Variants in EML6 observed in about 807,000 individuals in gnomAD.
The protein encoded by EML6 is EMAP like 6, also known as echinoderm microtubule-associated protein-like 6.
In EML6, 154 loss-of-function variants were observed where a neutral mutation model predicts 240.1. The observed-to-expected ratio is 0.64, with a 90% CI of 0.56 to 0.73. The LOEUF is 0.73. Ranked by LOEUF, EML6 falls within the 30% of genes least tolerant of loss-of-function variation. EML6 has a pLI of 0.00. For missense variants in EML6, 2,964 were observed against 2,474.6 expected (o/e 1.20, Z -4.20); for synonymous variants, 1,148 against 899.0 (o/e 1.28, Z -4.95).
chr2:54,847,710 T>G, intron 9 of EML6, 87 bp downstream of exon 9: 2 of 1,417,054 alleles, frequency 1.4e-6, no homozygotes, highest in Non-Finnish European at 1.9e-6. Context: ...GCTAGGACCT[T>G]AGGAAAAATC....
intron 24 of EML6, 128 bp downstream of exon 24, chr2:54,903,630 C>T (rs776320093): frequency 3.0e-5 from 23 of 771,362 alleles, no homozygotes; most frequent in South Asian, 6.8e-5. Context: ...ACAATATAAA[C>T]GACTGTAATT....
In EML6 at chr2:54,971,940, C is replaced by CAAA. The variant is rs1677042920; in HGVS notation, c.*1846_*1847insAAA. ...ACTGTATGATATATGTGAGTTAAAA[C>CAAA]ATTGGTGCATGAATTTATTTTCAAA... On this transcript the variant is annotated 3_prime_UTR_variant, in exon 42 of 42. Transcript: ENST00000356458. 1 of 152,154 alleles carries CAAA rather than the reference C, an allele frequency of 6.6e-6. No homozygotes were observed. The highest frequency in any genetic ancestry group is 1.5e-5 in the Non-Finnish European group (1 of 68,028). The allele number at this position is 152,154 out of a possible 1,614,324, so 9.4% of individuals were successfully genotyped here. A position where few individuals can be genotyped will look rare whatever the true frequency, so the allele number is the denominator to read the frequency against.
intron 17 of EML6, chr2:54,879,852 G>A (rs1403366569): frequency 1.6e-5 from 9 of 556,728 alleles, no homozygotes; most frequent in African/African-American, 5.7e-5. Context: ...AGAAAATTCC[G>A]AAATCCTCTG....
Position 54,841,738 on chromosome 2 carries a change from G to T in EML6, c.848-2309G>T, listed in dbSNP as rs72808625. ...CACCCGGGTAGCTGGGAATACAGGTGCGTGCTACCATGTCCAGCTAATTTT... is the reference window on the plus strand; with the variant it reads ...CACCCGGGTAGCTGGGAATACAGGTTCGTGCTACCATGTCCAGCTAATTTT... On this transcript the variant is annotated intron_variant, in intron 7 of 41. Coordinates refer to ENST00000356458, the MANE Select transcript of EML6 (RefSeq NM_001039753.4). Among the ~76,000 whole-genome samples the T allele has an allele frequency of 7.4e-3, 1,127 of 152,000 alleles. 5 individuals are homozygous for T. The highest frequency in any genetic ancestry group is 0.013 in the Non-Finnish European group (890 of 67,940).
At chr2:54,851,060 A>T (rs993541) in intron 10 of EML6, among the ~76,000 whole-genome samples, 69,527 of 151,718 alleles carry the variant, frequency 0.46, 16,170 homozygotes, top group Middle Eastern at 0.53. Context: ...CATGGGAATG[A>T]TACCTCATTC....
At chr2:54,871,676 C>A (rs369778993) in intron 16 of EML6, 71 bp downstream of exon 16, 2 of 1,077,090 alleles carry the variant, frequency 1.9e-6, no homozygotes, top group Non-Finnish European at 2.8e-6. Context: ...GTATGCCCCG[C>A]GCATGCGCGC....
chr2:54,951,754 T>C (rs1675992595), intron 30 of EML6, among the ~76,000 whole-genome samples: 1 of 152,096 alleles, frequency 6.6e-6, no homozygotes, highest in African/African-American at 2.4e-5. Context: ...GTCAATTCTG[T>C]GTAGTTGTTC....
In EML6 at chr2:54,725,132, G is replaced by C; in HGVS notation, c.71G>C (p.Cys24Ser). The C allele has an allele frequency of 6.5e-7, 1 of 1,540,986 alleles. No homozygotes were observed. The highest frequency in any genetic ancestry group is 8.8e-7 in the Non-Finnish European group (1 of 1,142,094). The change falls in exon 2 of 42, where the codon TGC (cysteine) becomes TCC (serine). Residue 24 changes from cysteine to serine, a missense_variant. By Grantham distance (112) the Cys-to-Ser change is moderately radical. Transcript: ENST00000356458. The surrounding 1 kb of genome is among the most constrained non-coding windows in gnomAD (Gnocchi z 4.3). Reference sequence around the variant, plus strand: ...GTGTACGGGTACCGGGGTCACCAGTGCCGCAACAACCTGTACTACACGGCA... The same window carrying C: ...GTGTACGGGTACCGGGGTCACCAGTCCCGCAACAACCTGTACTACACGGCA... ...EWVYGYRGHQCRNNLYYTAGK... is the reference protein window; with the variant it reads ...EWVYGYRGHQSRNNLYYTAGK...
chr2:54,957,813 G>C lies in EML6; in HGVS notation c.4510G>C (p.Gly1504Arg). The C allele has an allele frequency of 6.5e-7, 1 of 1,550,000 alleles. No homozygotes were observed. Residue 1504 changes from glycine (G) to arginine (R), a missense_variant, in exon 33 of 42, where the codon GGT (glycine) becomes CGT (arginine). Gly to Arg is a moderately radical substitution (Grantham distance 125). Coordinates refer to ENST00000356458, the MANE Select transcript of EML6 (RefSeq NM_001039753.4). ...AGGTGCCAAGGTTGCCAGCCGAGGGGGTCACCTGGAGCGCATATTTGTGGT... is the reference window on the plus strand; with the variant it reads ...AGGTGCCAAGGTTGCCAGCCGAGGGCGTCACCTGGAGCGCATATTTGTGGT... ...QEGAKVASRG[G>R]HLERIFVVEF...
chr2:54,870,804 C>T (rs575912379), intron 15 of EML6, among the ~76,000 whole-genome samples: 132 of 152,308 alleles, frequency 8.7e-4, no homozygotes, highest in Middle Eastern at 6.8e-3. Flanking sequence ...ACTGGGCCTC[C>T]ACAGACCTCT....
At chr2:54,952,750 G>C (rs1391034265) in intron 31 of EML6, 58 bp downstream of exon 31, 1 of 1,182,272 alleles carries the variant, frequency 8.5e-7, no homozygotes, top group East Asian at 2.6e-5. Flanking sequence ...TGACCTGTCA[G>C]CAATTATTGG....
At chr2:54,793,089 G>A (rs1669547256) in intron 2 of EML6, among the ~76,000 whole-genome samples, 1 of 152,024 alleles carries the variant, frequency 6.6e-6, no homozygotes, top group Non-Finnish European at 1.5e-5. Context: ...TCAACATCGT[G>A]TAACTCCATC....
chr2:54,945,020 C>G (rs899616654), intron 28 of EML6, among the ~76,000 whole-genome samples: 3 of 127,204 alleles, frequency 2.4e-5, no homozygotes, highest in Non-Finnish European at 5.1e-5. Flanking sequence ...CTCCCTACCC[C>G]CCTCCTTCCC....
intron 7 of EML6, among the ~76,000 whole-genome samples, chr2:54,842,817 G>A (rs1057019890): frequency 6.6e-6 from 1 of 152,234 alleles, no homozygotes; most frequent in Non-Finnish European, 1.5e-5. Context: ...AGAGGGACGT[G>A]TGGACTTTAA....
chr2:54,797,381 C>T (rs986355158), intron 2 of EML6, among the ~76,000 whole-genome samples: 1 of 152,022 alleles, frequency 6.6e-6, no homozygotes, highest in African/African-American at 2.4e-5. Context: ...TCTCTCAAAC[C>T]TAACCATGTC....
chr2:54,847,661 C>G (rs1014945348), intron 9 of EML6, 38 bp downstream of exon 9: 29 of 1,546,710 alleles, frequency 1.9e-5, no homozygotes, highest in African/African-American at 2.7e-5. Flanking sequence ...TAGAAATGCT[C>G]TCGTGTTAAA....
At chr2:54,839,439 A>G (rs1669325884) in intron 7 of EML6, among the ~76,000 whole-genome samples, 1 of 152,216 alleles carries the variant, frequency 6.6e-6, no homozygotes, top group Non-Finnish European at 1.5e-5. Flanking sequence ...GTGACAAAAG[A>G]CAATTGATGT....
chr2:54,852,554 C>T (rs891745), intron 10 of EML6, among the ~76,000 whole-genome samples: 65,937 of 151,998 alleles, frequency 0.43, 14,514 homozygotes, highest in East Asian at 0.56. Flanking sequence ...CCAAATGCCC[C>T]TGTACTGGTG....
rs967454117 is a variant in EML6 at position 54,962,447 on chromosome 2, G to T, written c.4969-76G>T. 8.0e-6 allele frequency: 9 copies of T among 1,129,204 alleles called. No homozygotes were observed. The Admixed American group carries it at 9.5e-5, about 12-fold the overall frequency. 69.9% of individuals were successfully genotyped at this position (1,129,204 alleles called of 1,614,324 possible). A position where few individuals can be genotyped will look rare whatever the true frequency, so the allele number is the denominator to read the frequency against. Reference sequence around the variant, plus strand: ...TTCTACTTTCTGTCTCCATGAATTTGTCTACTCTAGATACCTCATATGAGT... The same window carrying T: ...TTCTACTTTCTGTCTCCATGAATTTTTCTACTCTAGATACCTCATATGAGT... On this transcript the variant is annotated intron_variant, in intron 35 of 41. Transcript: ENST00000356458.
Sources: allele counts gnomAD v4.1 joint callset (sites outside exome capture counted in the v4.1 genomes callset), GRCh38; gene constraint gnomAD v4.1.1; non-coding constraint Gnocchi (gnomAD v3.1); transcripts MANE v1.5; gene names NCBI Gene and HGNC (gene_info 2026-07-23, HGNC 2026-07-21).